VPS41: variants seen among roughly 807,000 people sequenced by gnomAD.
VPS41 encodes vacuolar protein sorting-associated protein 41 homolog.
In VPS41, 85 loss-of-function variants were observed where a neutral mutation model predicts 130.9. The ratio of observed to expected loss-of-function variants is 0.65; its 90% CI spans 0.55 to 0.78. VPS41 has a LOEUF of 0.78. VPS41 is among the 30% of genes least tolerant of loss of function. The pLI, the probability that VPS41 is intolerant of heterozygous loss-of-function variation, is 0.00. For missense variants in VPS41, 874 were observed against 1,018.7 expected (o/e 0.86, Z 1.93); for synonymous variants, 335 against 332.9 (o/e 1.01, Z -0.07).
chr7:38,789,576 T>A (rs1278390974), intron 10 of VPS41, among the ~76,000 whole-genome samples: 1 of 152,116 alleles, frequency 6.6e-6, no homozygotes, highest in Non-Finnish European at 1.5e-5. Context: ...ATCTGCACTC[T>A]GAGAACGATG....
At chr7:38,783,613 G>A (rs187251714) in intron 10 of VPS41, among the ~76,000 whole-genome samples, 16 of 152,120 alleles carry the variant, frequency 1.1e-4, no homozygotes, top group Admixed American at 2.0e-4. Context: ...ATAGCACAGC[G>A]CAAGAAAATT....
intron 17 of VPS41, among the ~76,000 whole-genome samples, chr7:38,758,824 G>C (rs917457575): frequency 6.6e-6 from 1 of 152,160 alleles, no homozygotes; most frequent in East Asian, 1.9e-4. Flanking sequence ...AATCAATCAT[G>C]TCTAAGTAAT....
chr7:38,838,194 A>G (rs1244145902), intron 4 of VPS41, among the ~76,000 whole-genome samples: 1 of 152,154 alleles, frequency 6.6e-6, no homozygotes, highest in Non-Finnish European at 1.5e-5. Flanking sequence ...ATTTCTATAC[A>G]CTGAAAACAA....
At chr7:38,901,296 T>C (rs1364333055) in intron 1 of VPS41, among the ~76,000 whole-genome samples, 1 of 152,278 alleles carries the variant, frequency 6.6e-6, no homozygotes, top group East Asian at 1.9e-4. Context: ...TCTTAGTACA[T>C]TTGTGTTGCT....
intron 4 of VPS41, among the ~76,000 whole-genome samples, chr7:38,838,010 G>T (rs1013360156): frequency 6.6e-6 from 1 of 152,016 alleles, no homozygotes; most frequent in Non-Finnish European, 1.5e-5. Flanking sequence ...GCATATTTTT[G>T]AGTGATAACT....
Position 38,767,598 on chromosome 7 carries a change from C to A in VPS41, c.1186G>T (p.Asp396Tyr), listed in dbSNP as rs1784074060. ...TGATTTATATATGCCAAGCCAATAT[C>A]CTAGAGAAAGCCAAATGAAGAAATG... ...QKNIKRHKIL[D>Y]IGLAYINHLV... The change falls in exon 15 of 29, where the codon GAT (aspartate) becomes TAT (tyrosine). Residue 396 changes from aspartate (D) to tyrosine (Y), a missense_variant and splice_region_variant. Coordinates refer to ENST00000310301, the MANE Select transcript of VPS41 (RefSeq NM_014396.4). 1 of 1,607,798 alleles carries A rather than the reference C, an allele frequency of 6.2e-7. No individual in the cohort carries two copies. The highest frequency in any genetic ancestry group is 8.5e-7 in the Non-Finnish European group (1 of 1,176,248).
chr7:38,753,987 A>G lies in VPS41; in HGVS notation c.1788+715T>C, dbSNP rs73694709. ...CTGATACCCATAGTCCTACTGATATAATCCCTAAGTGTGCTAAGTTTTCTC... is the reference window on the plus strand; with the variant it reads ...CTGATACCCATAGTCCTACTGATATGATCCCTAAGTGTGCTAAGTTTTCTC... On this transcript the variant is annotated intron_variant, in intron 21 of 28. Coordinates refer to ENST00000310301, the MANE Select transcript of VPS41 (RefSeq NM_014396.4). 8.4e-3 allele frequency among the ~76,000 whole-genome samples: 1,277 copies of G among 152,300 alleles called. 20 individuals are homozygous for G. Among genetic ancestry groups the G allele is most frequent in the African/African-American group, 0.029 (1,218 of 41,568 alleles).
At chr7:38,880,191 A>G (rs1786575258) in intron 2 of VPS41, among the ~76,000 whole-genome samples, 1 of 152,130 alleles carries the variant, frequency 6.6e-6, no homozygotes, top group Non-Finnish European at 1.5e-5. Flanking sequence ...CATGATGTGT[A>G]TTACAACCCC....
At chr7:38,828,687 G>A (rs1475995376) in intron 5 of VPS41, among the ~76,000 whole-genome samples, 1 of 152,060 alleles carries the variant, frequency 6.6e-6, no homozygotes. Context: ...TTCTACCAAT[G>A]TTAATAAAAA....
chr7:38,898,971 G>A (rs1387780982), intron 1 of VPS41, among the ~76,000 whole-genome samples: 1 of 152,050 alleles, frequency 6.6e-6, no homozygotes, highest in East Asian at 1.9e-4. Context: ...AATGGGGCAA[G>A]GACATTTTAG....
At chr7:38,825,754 A>T (rs1480117025) in intron 5 of VPS41, among the ~76,000 whole-genome samples, 1 of 152,226 alleles carries the variant, frequency 6.6e-6, no homozygotes, top group Non-Finnish European at 1.5e-5. Context: ...CCATGTGAGT[A>T]CCTTAGAAGT....
intron 5 of VPS41, among the ~76,000 whole-genome samples, chr7:38,825,066 C>G (rs1474331256): frequency 6.6e-6 from 1 of 152,148 alleles, no homozygotes; most frequent in Admixed American, 6.5e-5. Context: ...CAAAATCAAA[C>G]AAGTTCATAG....
intron 4 of VPS41, among the ~76,000 whole-genome samples, chr7:38,833,870 A>G (rs1785438980): frequency 6.6e-6 from 1 of 152,190 alleles, no homozygotes; most frequent in Non-Finnish European, 1.5e-5. Context: ...CTCAATAAGA[A>G]TATTAGGAGA....
chr7:38,782,389 C>G (rs928765302), intron 10 of VPS41, among the ~76,000 whole-genome samples: 1 of 152,224 alleles, frequency 6.6e-6, no homozygotes, highest in Non-Finnish European at 1.5e-5. Flanking sequence ...ATGCTGATAT[C>G]ACCCTGCAGC....
At chr7:38,894,465 G>C (rs1341715368) in intron 2 of VPS41, among the ~76,000 whole-genome samples, 3 of 152,136 alleles carry the variant, frequency 2.0e-5, no homozygotes, top group East Asian at 1.9e-4. Context: ...GGGGGGAAGT[G>C]GGGGAGGAAT....
rs191378473 is a variant in VPS41, at chr7:38,816,648, T to C, written c.450+1169A>G. On this transcript the variant is annotated intron_variant, in intron 7 of 28. Coordinates refer to ENST00000310301, the MANE Select transcript of VPS41 (RefSeq NM_014396.4). ...GTAATAAAAACAGAAAAAAAACTAA[T>C]TTGACTTATTCTATAAGCAGACAGA... is the stretch of plus-strand genomic sequence containing the variant. Among the ~76,000 whole-genome samples, 3 of 152,320 alleles carry C rather than the reference T, an allele frequency of 2.0e-5. No homozygotes were observed. The East Asian group carries it at 5.8e-4, about 29-fold the overall frequency.
intron 23 of VPS41, 49 bp from the exon 24 acceptor site, chr7:38,743,591 A>G (rs1338128444): frequency 6.3e-7 from 1 of 1,584,114 alleles, no homozygotes; most frequent in Non-Finnish European, 8.6e-7. Context: ...GTATTTTAAT[A>G]ATTTTTTTAA....
chr7:38,774,312 G>C, intron 11 of VPS41, 68 bp from the exon 12 acceptor site: 1 of 1,400,894 alleles, frequency 7.1e-7, no homozygotes, highest in Non-Finnish European at 9.5e-7. Context: ...ATTAATTCTA[G>C]TTAGCCATAC....
chr7:38,855,807 G>A (rs138169629), intron 4 of VPS41, among the ~76,000 whole-genome samples: 61 of 152,280 alleles, frequency 4.0e-4, no homozygotes, highest in African/African-American at 1.4e-3. Context: ...GAAAATGTAT[G>A]AGTATATATT....
Sources: gnomAD v4.1 joint callset for allele counts (sites outside exome capture counted in the v4.1 genomes callset) on GRCh38, gnomAD v4.1.1 for gene constraint, MANE v1.5 for transcripts, NCBI Gene and HGNC (gene_info 2026-07-23, HGNC 2026-07-21) for gene names.